The following HDAC4 variants were observed in gnomAD, a reference collection of about 807,000 sequenced individuals.
HDAC4 encodes histone deacetylase 4, also known as histone deacetylase A.
HDAC4 carries 16 observed loss-of-function variants against 135.1 expected under a neutral mutation model. The observed-to-expected ratio is 0.12, with a 90% CI of 0.08 to 0.18. HDAC4 has a LOEUF of 0.18. Ranked by LOEUF, HDAC4 falls within the 10% of genes least tolerant of loss-of-function variation. The pLI is 1.00. For missense variants in HDAC4, 1,143 were observed against 1,511.8 expected (o/e 0.76, Z 4.05); for synonymous variants, 685 against 653.4 (o/e 1.05, Z -0.74).
intron 1 of HDAC4, among the ~76,000 whole-genome samples, chr2:239,377,035 G>A (rs1182114460): frequency 2.0e-5 from 3 of 152,114 alleles, no homozygotes; most frequent in Non-Finnish European, 2.9e-5. Flanking sequence ...ACGGTCACTT[G>A]GAACCAACAC....
chr2:239,204,876 G>A lies in HDAC4; in HGVS notation c.95-14799C>T, dbSNP rs539609316. 5.9e-5 allele frequency among the ~76,000 whole-genome samples: 9 copies of A among 152,288 alleles called. 1 individual carries two copies. The South Asian group carries it at 1.9e-3, about 32-fold the overall frequency. ...TGTTTTCAGACACCAAAGCCTCTTA[G>A]GGTCCCCATTGCCCCCAACAGAGCT... On this transcript the variant is annotated intron_variant, in intron 3 of 26. Coordinates refer to ENST00000543185, the MANE Select transcript of HDAC4 (RefSeq NM_001378414.1).
intron 2 of HDAC4, among the ~76,000 whole-genome samples, chr2:239,319,531 A>G (rs1478426922): frequency 6.6e-6 from 1 of 152,222 alleles, no homozygotes; most frequent in Non-Finnish European, 1.5e-5. Flanking sequence ...GCCGTGCTGG[A>G]GGTCACGCAG....
At chr2:239,322,623 A>C (rs1022851076) in intron 2 of HDAC4, among the ~76,000 whole-genome samples, 7 of 152,162 alleles carry the variant, frequency 4.6e-5, no homozygotes, top group South Asian at 2.1e-4. Context: ...TGTGTGGTTC[A>C]CCAGTAGACC....
In HDAC4 at chr2:239,115,271, T is replaced by C. The variant is rs2152810181; in HGVS notation, c.1573A>G (p.Ser525Gly). Residue 525 changes from serine (S) to glycine (G), a missense_variant, in exon 13 of 27, where the codon AGC (serine) becomes GGC (glycine). Physicochemically the swap from Ser to Gly is moderately conservative, Grantham distance 56. This residue lies in a region of HDAC4 where 196 missense variants were observed against 210.7 expected (regional missense o/e 0.93). Transcript: ENST00000543185. The surrounding 1 kb of genome is among the most constrained non-coding windows in gnomAD (Gnocchi z 6.3). ...TCCTCCTCCGTCTCCTCCGGGTGGCTCTCCGGCTGCCGGGCTGGCTCGCTT... is the reference window on the plus strand; with the variant it reads ...TCCTCCTCCGTCTCCTCCGGGTGGCCCTCCGGCTGCCGGGCTGGCTCGCTT... ...KPSEPARQPE[S>G]HPEETEEELR... is the part of the protein sequence containing the mutation. 9 of 1,613,318 alleles carry C rather than the reference T, an allele frequency of 5.6e-6. No individual in the cohort carries two copies. Among genetic ancestry groups the C allele is most frequent in the Non-Finnish European group, 7.6e-6 (9 of 1,179,926 alleles).
intron 2 of HDAC4, among the ~76,000 whole-genome samples, chr2:239,290,332 C>T (rs1163182475): frequency 3.3e-5 from 5 of 152,200 alleles, no homozygotes; most frequent in Admixed American, 2.0e-4. Flanking sequence ...GAACCAACGG[C>T]ACGTGACATG....
intron 2 of HDAC4, among the ~76,000 whole-genome samples, chr2:239,346,184 CCT>C (rs1211383257): frequency 1.4e-5 from 2 of 138,026 alleles, no homozygotes; most frequent in African/African-American, 5.5e-5. Context: ...ACACACACAC[CCT>C]GTCTAAAACA....
At chr2:239,374,386 C>CTTTTTTTTTTTTTTTTTTTTTTT (rs755538495) in intron 1 of HDAC4, among the ~76,000 whole-genome samples, 1 of 56,666 alleles carries the variant, frequency 1.8e-5, no homozygotes, top group African/African-American at 7.8e-5. Context: ...GAAAACAAGG[C>CTTTTTTTTTTTTTTTTTTTTTTT]TTTTTTTTTT....
chr2:239,241,129 C>A (rs2048153963), intron 2 of HDAC4, among the ~76,000 whole-genome samples: 1 of 152,184 alleles, frequency 6.6e-6, no homozygotes, highest in African/African-American at 2.4e-5. Flanking sequence ...GGACCTTGAG[C>A]AAACAGGTAC....
chr2:239,101,710 A>G (rs897014002), intron 16 of HDAC4, among the ~76,000 whole-genome samples: 4 of 152,118 alleles, frequency 2.6e-5, no homozygotes, highest in African/African-American at 9.7e-5. Flanking sequence ...ATCGAGGAAC[A>G]AAGGGAGCCC....
intron 3 of HDAC4, among the ~76,000 whole-genome samples, chr2:239,195,827 A>G (rs1306328692): frequency 1.3e-5 from 2 of 152,252 alleles, no homozygotes; most frequent in Non-Finnish European, 2.9e-5. Flanking sequence ...TCAGAGTCCA[A>G]TGGGAGACGG....
At chr2:239,096,479 GCCCGCCCCCCGC>G (rs1404281858) in intron 16 of HDAC4, among the ~76,000 whole-genome samples, 89 of 107,864 alleles carry the variant, frequency 8.3e-4, no homozygotes, top group Non-Finnish European at 1.5e-3. Flanking sequence ...CCCCATGGAT[GCCCGCCCCCCGC>G]CCCGCCCCCA....
intron 1 of HDAC4, among the ~76,000 whole-genome samples, chr2:239,360,140 C>T (rs908206905): frequency 3.9e-5 from 6 of 152,188 alleles, no homozygotes; most frequent in African/African-American, 1.4e-4. Flanking sequence ...ACTGTCCAAC[C>T]ACACCTGATG....
intron 9 of HDAC4, among the ~76,000 whole-genome samples, chr2:239,137,335 TAAC>T (rs1402644813): frequency 6.6e-6 from 1 of 152,132 alleles, no homozygotes; most frequent in Non-Finnish European, 1.5e-5. Context: ...CGCGTGTAAA[TAAC>T]AGCAGCAGCG....
intron 2 of HDAC4, among the ~76,000 whole-genome samples, chr2:239,281,009 T>TG (rs202231965): frequency 1.6e-5 from 2 of 124,830 alleles, no homozygotes. Context: ...CACACCACTC[T>TG]CAATGTACAC....
intron 1 of HDAC4, among the ~76,000 whole-genome samples, chr2:239,374,356 G>C (rs1170507268): frequency 1.4e-5 from 2 of 142,516 alleles, no homozygotes; most frequent in African/African-American, 5.2e-5. Flanking sequence ...AGGAGAGGAG[G>C]AAACCACCCC....
At position 239,352,536 on chromosome 2, in the gene HDAC4, T is replaced by G; in HGVS notation, c.22+142A>C. 2.6e-6 allele frequency: 2 copies of G among 765,268 alleles called. No homozygotes were observed. The highest frequency in any genetic ancestry group is 2.7e-5 in the East Asian group (1 of 37,054). 47.4% of individuals were successfully genotyped at this position (765,268 alleles called of 1,614,324 possible). ...AGAATAAACCATCCATTTTGCACTT[T>G]GTGCTGTCAAAAACCAACAGTGACC... On this transcript the variant is annotated intron_variant, in intron 2 of 26. Transcript: ENST00000543185. The surrounding 1 kb of genome is among the most constrained non-coding windows in gnomAD (Gnocchi z 4.4).
At chr2:239,237,228 C>T (rs1003057405) in intron 2 of HDAC4, among the ~76,000 whole-genome samples, 1 of 152,054 alleles carries the variant, frequency 6.6e-6, no homozygotes. Context: ...TATTATGGAG[C>T]GGTTTCCATC....
At chr2:239,295,939 G>A (rs1222229413) in intron 2 of HDAC4, among the ~76,000 whole-genome samples, 1 of 152,178 alleles carries the variant, frequency 6.6e-6, no homozygotes, top group Non-Finnish European at 1.5e-5. Flanking sequence ...GCTTCTTACA[G>A]GGTGCTGAAG....
intron 2 of HDAC4, among the ~76,000 whole-genome samples, chr2:239,253,476 G>A (rs988805080): frequency 6.6e-6 from 1 of 152,156 alleles, no homozygotes; most frequent in Non-Finnish European, 1.5e-5. Flanking sequence ...TGTACTCCTT[G>A]CTTTGATGTT....
Sources: gnomAD v4.1 joint callset for allele counts (sites outside exome capture counted in the v4.1 genomes callset) on GRCh38, gnomAD v4.1.1 for gene constraint, gnomAD v4.1.1 regional missense constraint, Gnocchi (gnomAD v3.1) non-coding constraint, MANE v1.5 for transcripts, NCBI Gene and HGNC (gene_info 2026-07-23, HGNC 2026-07-21) for gene names.